Variants in MLXIP observed in about 807,000 individuals in gnomAD.
MLXIP encodes the protein MLX interacting protein.
MLXIP carries 30 observed loss-of-function variants against 87.2 expected under a neutral mutation model. The observed-to-expected ratio is 0.34, with a 90% CI of 0.26 to 0.47. MLXIP has a LOEUF of 0.47. Ranked by LOEUF, MLXIP falls within the 20% of genes least tolerant of loss-of-function variation. MLXIP has a pLI of 1.00. For synonymous variants in MLXIP, 530 were observed against 514.0 expected (o/e 1.03, Z -0.42); for missense variants, 1,002 against 1,240.1 (o/e 0.81, Z 2.88).
rs960413444 is a variant in MLXIP at position 122,137,656 on chromosome 12, G to A, written c.2154+66G>A. On this transcript the variant is annotated intron_variant, in intron 12 of 16. Coordinates refer to ENST00000319080, the MANE Select transcript of MLXIP (RefSeq NM_014938.6). This position sits in a 1 kb window ranked among gnomAD's most constrained non-coding sequence, Gnocchi z 4.1. ...GAGGAGTGCAGGACATCAAGGATCT[G>A]TGTCTTGTCTGGAACGGAGACCTCA... 9 of 1,552,184 alleles carry A rather than the reference G, an allele frequency of 5.8e-6. No individual in the cohort carries two copies. In the African/African-American group the frequency reaches 1.2e-4, roughly 21 times the overall value.
At position 122,135,625 on chromosome 12, in the gene MLXIP, C is replaced by G. The variant is rs368903177; in HGVS notation, c.1991C>G (p.Pro664Arg). The G allele has an allele frequency of 1.3e-6, 2 of 1,557,474 alleles. No individual in the cohort carries two copies. The highest frequency in any genetic ancestry group is 1.7e-6 in the Non-Finnish European group (2 of 1,152,990). The change falls in exon 11 of 17, where the codon CCG becomes CGG. Residue 664 changes from proline (P) to arginine (R), a missense_variant. Pro to Arg is a moderately radical substitution (Grantham distance 103, BLOSUM62 -2). Transcript: ENST00000319080. The surrounding 1 kb of genome is among the most constrained non-coding windows in gnomAD (Gnocchi z 5.3). ...QDPLGKGEQV[P>R]LHGGSPQVTV... ...CCCCTGGGGAAGGGCGAGCAGGTCC[C>G]GCTGCATGGGGGCAGCCCCCAGGTC...
At chr12:122,109,697 C>T (rs534412590) in intron 1 of MLXIP, among the ~76,000 whole-genome samples, 190 of 152,336 alleles carry the variant, frequency 1.2e-3, no homozygotes, top group African/African-American at 4.4e-3. Flanking sequence ...CCATCCCAAA[C>T]TCCTTTGCTA....
chr12:122,080,640 G>A (rs1189282224), intron 1 of MLXIP, among the ~76,000 whole-genome samples: 1 of 152,078 alleles, frequency 6.6e-6, no homozygotes, highest in Non-Finnish European at 1.5e-5. Flanking sequence ...CCCCTTACCC[G>A]GCACATTGGT....
rs143481735 is a variant in MLXIP, at chr12:122,092,280, G to A, written c.413+13014G>A. On this transcript the variant is annotated intron_variant, in intron 1 of 16. Coordinates refer to ENST00000319080, the MANE Select transcript of MLXIP (RefSeq NM_014938.6). Reference sequence around the variant, plus strand: ...TGCCTGGCTAATTTTTGTATTTTTTGTAGAGACAGGGTTTTGCCATGTTGC... The same window carrying A: ...TGCCTGGCTAATTTTTGTATTTTTTATAGAGACAGGGTTTTGCCATGTTGC... Among the ~76,000 whole-genome samples the A allele has an allele frequency of 1.1e-3, 160 of 152,046 alleles. 3 individuals carry two copies. In the East Asian group the frequency reaches 0.023, roughly 22 times the overall value.
rs1051805892 is a variant in MLXIP, at chr12:122,128,039, G to A, written c.606+71G>A. 4.4e-5 allele frequency: 59 copies of A among 1,350,308 alleles called. No individual in the cohort carries two copies. The Admixed American group carries it at 5.7e-4, about 13-fold the overall frequency. 83.6% of individuals were successfully genotyped at this position (1,350,308 alleles called of 1,614,324 possible). ...CACCTCACCGGGAGTGGCTCACCGC[G>A]GGCTGGTCCTGTAGGAGAGGCTGCC... On this transcript the variant is annotated intron_variant, in intron 3 of 16. Coordinates refer to ENST00000319080, the MANE Select transcript of MLXIP (RefSeq NM_014938.6).
chr12:122,089,739 T>C lies in MLXIP; in HGVS notation c.413+10473T>C, dbSNP rs575729292. On this transcript the variant is annotated intron_variant, in intron 1 of 16. Transcript: ENST00000319080. ...TAGCACACATCAGGTGTTTAGTGCATTTTAATGCTGAATAGTCTTCAGTTT... is the reference window on the plus strand; with the variant it reads ...TAGCACACATCAGGTGTTTAGTGCACTTTAATGCTGAATAGTCTTCAGTTT... 3.5e-4 allele frequency among the ~76,000 whole-genome samples: 54 copies of C among 152,372 alleles called. 1 individual carries two copies. The South Asian group carries it at 0.011, about 30-fold the overall frequency.
chr12:122,078,840 G>A lies in MLXIP; in HGVS notation c.-14G>A. 3.8e-6 allele frequency: 4 copies of A among 1,066,030 alleles called. No individual in the cohort carries two copies. The highest frequency in any genetic ancestry group is 6.7e-5 in the East Asian group (1 of 14,824). The allele number at this position is 1,066,030 out of a possible 1,614,324, so 66.0% of individuals were successfully genotyped here. ...CCCCGGGCTCCGGGGGATGCCCCCGGCCGAGCCCTTCTCATGGCCGCCGAC... is the reference window on the plus strand; with the variant it reads ...CCCCGGGCTCCGGGGGATGCCCCCGACCGAGCCCTTCTCATGGCCGCCGAC... On this transcript the variant is annotated 5_prime_UTR_variant, in exon 1 of 17. Coordinates refer to ENST00000319080, the MANE Select transcript of MLXIP (RefSeq NM_014938.6).
At chr12:122,085,896 G>T (rs1156676868) in intron 1 of MLXIP, among the ~76,000 whole-genome samples, 12 of 152,144 alleles carry the variant, frequency 7.9e-5, no homozygotes, top group Admixed American at 7.9e-4. Context: ...TGGCAAAGGC[G>T]AATTAAGGTT....
Position 122,135,963 on chromosome 12 carries a change from C to T in MLXIP, c.2032+297C>T, listed in dbSNP as rs1953083687. 2 of 329,296 alleles carry T rather than the reference C, an allele frequency of 6.1e-6. No individual in the cohort carries two copies. The highest frequency in any genetic ancestry group is 1.1e-4 in the East Asian group (2 of 18,296). 20.4% of individuals were successfully genotyped at this position (329,296 alleles called of 1,614,324 possible). A position where few individuals can be genotyped will look rare whatever the true frequency, so the allele number is the denominator to read the frequency against. ...AGGCCTGGTACTGAGCTGCTGATCT[C>T]ACCCAGAGAAGGGATTGAGGAGCCC... On this transcript the variant is annotated intron_variant, in intron 11 of 16. Coordinates refer to ENST00000319080, the MANE Select transcript of MLXIP (RefSeq NM_014938.6). The surrounding 1 kb of genome is among the most constrained non-coding windows in gnomAD (Gnocchi z 5.3).
rs991506381 is a variant in MLXIP at position 122,132,473 on chromosome 12, A to G, written c.1092+90A>G. On this transcript the variant is annotated intron_variant, in intron 8 of 16. Coordinates refer to ENST00000319080, the MANE Select transcript of MLXIP (RefSeq NM_014938.6). ...TTGCTGCCAGAGCAAGGCTAATGGC[A>G]TAGCCACACAGTCACCAGCAAAGCG... The G allele has an allele frequency of 5.0e-6, 5 of 1,003,902 alleles. No individual in the cohort carries two copies. In the African/African-American group the frequency reaches 6.4e-5, roughly 13 times the overall value. The allele number at this position is 1,003,902 out of a possible 1,614,324, so 62.2% of individuals were successfully genotyped here.
In MLXIP at chr12:122,133,908, T is replaced by G. The variant is rs760009483; in HGVS notation, c.1653T>G (p.Pro551=). The change falls in exon 9 of 17, where the codon CCT becomes CCG. Residue 551 remains proline (P), a synonymous_variant. Coordinates refer to ENST00000319080, the MANE Select transcript of MLXIP (RefSeq NM_014938.6). The surrounding 1 kb of genome is among the most constrained non-coding windows in gnomAD (Gnocchi z 4.9). The part of the protein sequence containing the change: ...PKPVSLTGGR[P]KQPHKIVPAP... ...CTGTATCCTTGACTGGGGGCAGGCC[T>G]AAGCAGCCCCACAAAATAGTGCCTG... is the stretch of plus-strand genomic sequence containing the variant. 1.2e-6 allele frequency: 2 copies of G among 1,609,770 alleles called. No individual in the cohort carries two copies.
intron 1 of MLXIP, among the ~76,000 whole-genome samples, chr12:122,097,334 A>T (rs1414592961): frequency 6.6e-6 from 1 of 152,122 alleles, no homozygotes; most frequent in African/African-American, 2.4e-5. Flanking sequence ...TTAAAACATA[A>T]CCAGGGCCAG....
chr12:122,084,147 TGTG>T (rs1952132189), intron 1 of MLXIP, among the ~76,000 whole-genome samples: 1 of 7,588 alleles, frequency 1.3e-4, no homozygotes, highest in African/African-American at 1.6e-4. Context: ...AGCCAGATTG[TGTG>T]TGTGTGTGTG....
At chr12:122,129,890 G>C in intron 5 of MLXIP, 51 bp from the exon 6 acceptor site, 1 of 1,568,010 alleles carries the variant, frequency 6.4e-7, no homozygotes, top group Admixed American at 1.8e-5. Context: ...GGAATTCTTC[G>C]TCCCACTGTT....
At chr12:122,086,410 G>T (rs1049114638) in intron 1 of MLXIP, among the ~76,000 whole-genome samples, 8 of 152,146 alleles carry the variant, frequency 5.3e-5, no homozygotes, top group African/African-American at 1.4e-4. Flanking sequence ...GAGGGCCCTG[G>T]TTATAAAAGG....
chr12:122,093,916 G>T (rs1952295635), intron 1 of MLXIP, among the ~76,000 whole-genome samples: 1 of 131,496 alleles, frequency 7.6e-6, no homozygotes, highest in Non-Finnish European at 1.6e-5. Flanking sequence ...GTGTGTGTTT[G>T]CGGTGTCTGG....
Position 122,078,876 on chromosome 12 carries a change from G to A in MLXIP, c.23G>A (p.Cys8Tyr). 4.4e-6 allele frequency: 5 copies of A among 1,125,610 alleles called. No individual in the cohort carries two copies. The highest frequency in any genetic ancestry group is 4.4e-6 in the Non-Finnish European group (4 of 917,660). The allele number at this position is 1,125,610 out of a possible 1,614,324, so 69.7% of individuals were successfully genotyped here. Residue 8 changes from cysteine to tyrosine, a missense_variant, in exon 1 of 17, where the codon TGC becomes TAC. Cys to Tyr is a radical substitution (Grantham distance 194). Coordinates refer to ENST00000319080, the MANE Select transcript of MLXIP (RefSeq NM_014938.6). ...CTCATGGCCGCCGACGTCTTCATGT[G>A]CTCCCCGCGCCGGCCTCGCAGCCGG... MAADVFM[C>Y]SPRRPRSRGR...
In MLXIP at chr12:122,135,739, G is replaced by C; in HGVS notation, c.2032+73G>C. 1 of 1,425,266 alleles carries C rather than the reference G, an allele frequency of 7.0e-7. No individual in the cohort carries two copies. Among genetic ancestry groups the C allele is most frequent in the Non-Finnish European group, 9.2e-7 (1 of 1,090,182 alleles). The allele number at this position is 1,425,266 out of a possible 1,614,324, so 88.3% of individuals were successfully genotyped here. On this transcript the variant is annotated intron_variant, in intron 11 of 16. Coordinates refer to ENST00000319080, the MANE Select transcript of MLXIP (RefSeq NM_014938.6). This position sits in a 1 kb window ranked among gnomAD's most constrained non-coding sequence, Gnocchi z 5.3. ...CTGGGCCTGCCGTAGACCATGGGGG[G>C]TGCTTGCTGGGTCCCCAGGACGGAG... is the stretch of plus-strand genomic sequence containing the variant.
intron 6 of MLXIP, among the ~76,000 whole-genome samples, chr12:122,130,458 C>T (rs1223009482): frequency 6.6e-6 from 1 of 151,588 alleles, no homozygotes. Flanking sequence ...GGCCGTGACT[C>T]ATGCTAAAGA....
Sources: gnomAD v4.1 joint callset for allele counts (sites outside exome capture counted in the v4.1 genomes callset) on GRCh38, gnomAD v4.1.1 for gene constraint, Gnocchi (gnomAD v3.1) non-coding constraint, MANE v1.5 for transcripts, NCBI Gene and HGNC (gene_info 2026-07-23, HGNC 2026-07-21) for gene names.